The following CELF2 variants were observed in gnomAD, a reference collection of about 807,000 sequenced individuals.
CELF2 encodes CUGBP Elav-like family member 2.
CELF2 carries 8 observed loss-of-function variants against 62.6 expected under a neutral mutation model. The observed-to-expected ratio is 0.13, with a 90% CI of 0.07 to 0.23. The LOEUF is 0.23. CELF2 is among the 10% of genes least tolerant of loss of function. The pLI, the probability that CELF2 is intolerant of heterozygous loss-of-function variation, is 1.00. For synonymous variants in CELF2, 258 were observed against 250.0 expected, an observed-to-expected ratio of 1.03 and a Z score of -0.30; for missense variants, 333 against 671.0, an observed-to-expected ratio of 0.50 and a Z score of 5.56.
chr10:10,683,259 C>T, the CELF2 span, among the ~76,000 whole-genome samples: 5 of 152,280 alleles, frequency 3.3e-5, no homozygotes, highest in East Asian at 7.7e-4. Context: ...TCTTTTCCTC[C>T]TCCACTTAGG....
At chr10:10,517,062 T>A in the CELF2 span, among the ~76,000 whole-genome samples, 1 of 152,214 alleles carries the variant, frequency 6.6e-6, no homozygotes, top group Non-Finnish European at 1.5e-5. Context: ...AGTGCATGAA[T>A]TTATTGAATT....
chr10:10,835,383 A>ATT (rs60700697), intron 1 of CELF2, among the ~76,000 whole-genome samples: 2 of 142,986 alleles, frequency 1.4e-5, no homozygotes, highest in Non-Finnish European at 1.5e-5. Context: ...CAGCAGATTG[A>ATT]TTTTTTTTTT....
intron 2 of CELF2, among the ~76,000 whole-genome samples, chr10:10,988,290 T>TAG (rs1174914464): frequency 1.7e-4 from 25 of 149,784 alleles, no homozygotes; most frequent in Middle Eastern, 3.4e-3. Flanking sequence ...TATATATATA[T>TAG]ATATAGAGAG....
chr10:10,772,584 A>G, the CELF2 span, among the ~76,000 whole-genome samples: 3 of 152,224 alleles, frequency 2.0e-5, no homozygotes, highest in African/African-American at 7.2e-5. Context: ...GGATGTGCCC[A>G]AGTGAACAGG....
At position 11,224,942 on chromosome 10, in the gene CELF2, C is replaced by G. The variant is rs2065987543; in HGVS notation, c.354+7435C>G. 6.6e-6 allele frequency among the ~76,000 whole-genome samples: 1 copy of G among 152,030 alleles called. No individual in the cohort carries two copies. The highest frequency in any genetic ancestry group is 6.6e-5 in the Admixed American group (1 of 15,262). On this transcript the variant is annotated intron_variant, in intron 3 of 12. Coordinates refer to ENST00000633077, the MANE Select transcript of CELF2 (RefSeq NM_001326342.2). The surrounding 1 kb of genome is among the most constrained non-coding windows in gnomAD (Gnocchi z 4.5). ...GGATCAGAGGGAGTCAGGGCTCTGC[C>G]GGATATGGTCTGGTTTGTGCAGGGA... is the stretch of plus-strand genomic sequence containing the variant.
At chr10:10,716,478 C>T in the CELF2 span, among the ~76,000 whole-genome samples, 1 of 152,122 alleles carries the variant, frequency 6.6e-6, no homozygotes, top group Non-Finnish European at 1.5e-5. Context: ...GAAGTCGAGG[C>T]CTCAGTGAGC....
At chr10:10,882,357 T>G (rs1186155921) in intron 1 of CELF2, among the ~76,000 whole-genome samples, 1 of 152,260 alleles carries the variant, frequency 6.6e-6, no homozygotes, top group Non-Finnish European at 1.5e-5. Context: ...AGAGCAGAAC[T>G]GAAATGTGGT....
the CELF2 span, among the ~76,000 whole-genome samples, chr10:10,607,058 G>A: frequency 1.6e-3 from 248 of 152,256 alleles, 1 homozygote; most frequent in Non-Finnish European, 3.0e-3. Flanking sequence ...GTGGTGTTAT[G>A]TGCTCTCCAT....
intron 1 of CELF2, among the ~76,000 whole-genome samples, chr10:11,027,504 C>G (rs2059415036): frequency 6.6e-6 from 1 of 151,680 alleles, no homozygotes; most frequent in Admixed American, 6.6e-5. Flanking sequence ...CGGTTGAGTA[C>G]TTGCTACAGA....
the CELF2 span, among the ~76,000 whole-genome samples, chr10:10,497,635 C>T: frequency 6.6e-6 from 1 of 152,076 alleles, no homozygotes; most frequent in African/African-American, 2.4e-5. Flanking sequence ...CCGGCCACAC[C>T]GCTGTCTGCA....
intron 1 of CELF2, among the ~76,000 whole-genome samples, chr10:10,800,611 A>T (rs1358291335): frequency 6.6e-6 from 1 of 152,078 alleles, no homozygotes. Flanking sequence ...CTTTGTTGAA[A>T]ATTTAGATTG....
chr10:10,997,862 A>G lies in CELF2; in HGVS notation c.89+77863A>G, dbSNP rs1490080992. ...TCTGAGTCCATGCTTCATGCTTGAT[A>G]TGGTTTGGCTCTGTATCCCCACCCA... On this transcript the variant is annotated intron_variant, in intron 2 of 13. Transcript: ENST00000636488. This position sits in a 1 kb window ranked among gnomAD's most constrained non-coding sequence, Gnocchi z 5.3. Among the ~76,000 whole-genome samples the G allele has an allele frequency of 6.6e-6, 1 of 152,026 alleles. No homozygotes were observed. Among genetic ancestry groups the G allele is most frequent in the Non-Finnish European group, 1.5e-5 (1 of 68,004 alleles).
chr10:11,202,358 ATTCT>A (rs970708779), intron 2 of CELF2, among the ~76,000 whole-genome samples: 13 of 152,328 alleles, frequency 8.5e-5, no homozygotes, highest in African/African-American at 2.9e-4. Flanking sequence ...GTGACAAAAA[ATTCT>A]TTGTCATCCC....
chr10:11,085,514 C>G (rs1299452478), intron 1 of CELF2, among the ~76,000 whole-genome samples: 1 of 152,198 alleles, frequency 6.6e-6, no homozygotes, highest in African/African-American at 2.4e-5. Flanking sequence ...CAAAGTTCTC[C>G]TAAGCACTTT....
chr10:10,765,267 G>T, the CELF2 span, among the ~76,000 whole-genome samples: 2 of 152,336 alleles, frequency 1.3e-5, no homozygotes, highest in South Asian at 4.1e-4. Context: ...CAGTCCCAAG[G>T]CATCTCTTAT....
In CELF2 at chr10:11,297,608, C is replaced by G. The variant is rs1293542123; in HGVS notation, c.976+9056C>G. Among the ~76,000 whole-genome samples, 1 of 152,146 alleles carries G rather than the reference C, an allele frequency of 6.6e-6. No individual in the cohort carries two copies. Among genetic ancestry groups the G allele is most frequent in the East Asian group, 1.9e-4 (1 of 5,186 alleles). Reference sequence around the variant, plus strand: ...CTGGCTGCTTCACTGCAGTGGTTGACAGTTTTGCAGGCAGTGAGAGAGGAC... The same window carrying G: ...CTGGCTGCTTCACTGCAGTGGTTGAGAGTTTTGCAGGCAGTGAGAGAGGAC... On this transcript the variant is annotated intron_variant, in intron 9 of 12. Transcript: ENST00000633077. The surrounding 1 kb of genome is among the most constrained non-coding windows in gnomAD (Gnocchi z 4.4).
intron 1 of CELF2, among the ~76,000 whole-genome samples, chr10:10,837,261 A>G (rs2058360486): frequency 6.6e-6 from 1 of 152,178 alleles, no homozygotes; most frequent in South Asian, 2.1e-4. Context: ...CATGAGATCT[A>G]ATGATATTTT....
chr10:11,249,601 AG>A (rs1361082840), intron 4 of CELF2, among the ~76,000 whole-genome samples: 3 of 149,520 alleles, frequency 2.0e-5, no homozygotes, highest in Non-Finnish European at 4.4e-5. Flanking sequence ...TGGGTGGGGG[AG>A]GGGCGTTGGT....
At chr10:10,679,415 A>G in the CELF2 span, among the ~76,000 whole-genome samples, 1 of 152,004 alleles carries the variant, frequency 6.6e-6, no homozygotes, top group Non-Finnish European at 1.5e-5. Context: ...TCAGCCTCCC[A>G]AGTAGCTGAG....
Sources: allele counts gnomAD v4.1 joint callset (sites outside exome capture counted in the v4.1 genomes callset), GRCh38; gene constraint gnomAD v4.1.1; non-coding constraint Gnocchi (gnomAD v3.1); transcripts MANE v1.5; gene names NCBI Gene and HGNC (gene_info 2026-07-23, HGNC 2026-07-21).